Variants in SPMIP8 observed in about 807,000 individuals in gnomAD.
The protein encoded by SPMIP8 is sperm microtubule inner protein 8, also known as testicular tissue protein Li 196.
At chr16:57,981,463 T>C in the SPMIP8 span, among the ~76,000 whole-genome samples, 1 of 137,348 alleles carries the variant, frequency 7.3e-6, no homozygotes, top group African/African-American at 2.6e-5. Context: ...ACAAAGAGTC[T>C]GTTCTCTTAG....
At chr16:57,983,578 A>G in the SPMIP8 span, among the ~76,000 whole-genome samples, 1 of 152,032 alleles carries the variant, frequency 6.6e-6, no homozygotes, top group Non-Finnish European at 1.5e-5. Context: ...TAAGATGTGA[A>G]TACTATTTTA....
chr16:57,985,165 G>C, the SPMIP8 span: 7,260 of 1,434,598 alleles, frequency 5.1e-3, 33 homozygotes, highest in Middle Eastern at 0.022. Flanking sequence ...TTGTCCTGGG[G>C]GGGGGCGGAT....
chr16:57,987,780 A>G, the SPMIP8 span: 214,089 of 256,290 alleles, frequency 0.84, 90,766 homozygotes, highest in African/African-American at 0.95. Flanking sequence ...GATGTGCTCC[A>G]GCCCCTTGCC....
At chr16:57,982,357 C>T in the SPMIP8 span, among the ~76,000 whole-genome samples, 1 of 152,264 alleles carries the variant, frequency 6.6e-6, no homozygotes, top group Middle Eastern at 3.4e-3. Flanking sequence ...CTTGTTATGT[C>T]TTTTGTCTTA....
chr16:57,979,443 T>G, the SPMIP8 span, among the ~76,000 whole-genome samples: 1 of 152,350 alleles, frequency 6.6e-6, no homozygotes, highest in Admixed American at 6.5e-5. Flanking sequence ...CTGTGCTATG[T>G]TGGAGGGGCC....
the SPMIP8 span, among the ~76,000 whole-genome samples, chr16:57,982,742 AC>A: frequency 2.9e-3 from 440 of 152,256 alleles, 5 homozygotes; most frequent in African/African-American, 0.01. Flanking sequence ...TTTAAAGCAA[AC>A]AGTAGGCCGG....
chr16:57,983,785 G>T, the SPMIP8 span, among the ~76,000 whole-genome samples: 3 of 152,138 alleles, frequency 2.0e-5, no homozygotes, highest in East Asian at 5.8e-4. Flanking sequence ...CTAATTTTTC[G>T]TATTTTTGGT....
the SPMIP8 span, chr16:57,977,672 G>C: frequency 1.1e-6 from 1 of 902,684 alleles, no homozygotes. Flanking sequence ...CTGAGCTCCA[G>C]AAAAATGGCC....
chr16:57,987,082 C>T, the SPMIP8 span: 1 of 324,010 alleles, frequency 3.1e-6, no homozygotes, highest in African/African-American at 2.1e-5. Context: ...GTCTCCCACA[C>T]GGGGAAACGT....
the SPMIP8 span, chr16:57,986,073 G>A: frequency 8.7e-7 from 1 of 1,148,844 alleles, no homozygotes; most frequent in Non-Finnish European, 1.2e-6. Context: ...GGGCCCTCCT[G>A]GGAGGGCGCG....
At chr16:57,978,660 G>A in the SPMIP8 span, among the ~76,000 whole-genome samples, 1 of 152,094 alleles carries the variant, frequency 6.6e-6, no homozygotes, top group Admixed American at 6.5e-5. Context: ...CTGTCGCCCA[G>A]GCTGGAGTGC....
chr16:57,986,116 C>A, the SPMIP8 span: 2 of 725,352 alleles, frequency 2.8e-6, no homozygotes, highest in Non-Finnish European at 4.1e-6. Flanking sequence ...CCGCCCCTGG[C>A]AAATGTGCAG....
At chr16:57,978,582 T>C in the SPMIP8 span, among the ~76,000 whole-genome samples, 3 of 152,056 alleles carry the variant, frequency 2.0e-5, no homozygotes, top group Admixed American at 6.5e-5. Context: ...ACATAATATG[T>C]GCTCAAAAAG....
chr16:57,984,754 G>C, the SPMIP8 span: 1 of 1,607,884 alleles, frequency 6.2e-7, no homozygotes, highest in Non-Finnish European at 8.5e-7. Flanking sequence ...ATCGAGGACT[G>C]GTCCCACTTC....
the SPMIP8 span, chr16:57,985,927 C>T: frequency 6.2e-7 from 1 of 1,612,586 alleles, no homozygotes; most frequent in East Asian, 2.2e-5. Flanking sequence ...TCCGAAGCTT[C>T]GGCTCCAGCT....
At chr16:57,978,141 G>A in the SPMIP8 span, 54 of 1,355,888 alleles carry the variant, frequency 4.0e-5, no homozygotes, top group Non-Finnish European at 5.0e-5. Context: ...CAGCTCTGCT[G>A]CTCCCTGCCC....
At chr16:57,976,603 C>T in the SPMIP8 span, 2 of 1,614,108 alleles carry the variant, frequency 1.2e-6, no homozygotes, top group Non-Finnish European at 1.7e-6. Context: ...TGCACCTGGG[C>T]CTGGGCCCTA....
At chr16:57,984,444 G>A in the SPMIP8 span, 3 of 1,576,168 alleles carry the variant, frequency 1.9e-6, no homozygotes, top group East Asian at 6.7e-5. Context: ...TCTACACCCC[G>A]CGCACCTTCT....
chr16:57,985,116 G>A, the SPMIP8 span: 4 of 1,349,068 alleles, frequency 3.0e-6, no homozygotes, highest in Non-Finnish European at 3.9e-6. Context: ...TTGTGGGCGG[G>A]GCTGGATTGT....
Sources: gnomAD v4.1 joint callset for allele counts (sites outside exome capture counted in the v4.1 genomes callset) on GRCh38, gnomAD v4.1.1 for gene constraint, MANE v1.5 for transcripts, NCBI Gene and HGNC (gene_info 2026-07-23, HGNC 2026-07-21) for gene names.